The following DNAJC16 variants were observed in gnomAD, a reference collection of about 807,000 sequenced individuals.
The protein encoded by DNAJC16 is dnaJ homolog subfamily C member 16.
DNAJC16 carries 76 observed loss-of-function variants against 92.7 expected under a neutral mutation model. That is an observed-to-expected ratio of 0.82 (90% CI 0.68 to 0.99). The LOEUF is 0.99. DNAJC16 is among the 50% of genes least tolerant of loss of function. The pLI, the probability that DNAJC16 is intolerant of heterozygous loss-of-function variation, is 0.00. For missense variants in DNAJC16, 869 were observed against 942.4 expected, an observed-to-expected ratio of 0.92 and a Z score of 1.02; for synonymous variants, 328 against 358.7, an observed-to-expected ratio of 0.91 and a Z score of 0.97.
At position 15,559,581 on chromosome 1, in the gene DNAJC16, T is replaced by G. The variant is rs1429207338; in HGVS notation, c.1079T>G (p.Leu360Arg). The G allele has an allele frequency of 1.2e-6, 2 of 1,614,016 alleles. No individual in the cohort carries two copies. The change falls in exon 8 of 15, where the codon CTA (leucine) becomes CGA (arginine). Residue 360 changes from leucine to arginine, a missense_variant. Leu to Arg is a moderately radical substitution (Grantham distance 102, BLOSUM62 -2). Transcript: ENST00000375847. ...GACTTCATCACCCGAAACAAATATC[T>G]ATTGGCAGCCAGGCTCACCAGCCAG... ...IDDFITRNKYLLAARLTSQKL... is the reference protein window; with the variant it reads ...IDDFITRNKYRLAARLTSQKL...
chr1:15,539,796 G>C (rs1710888815), intron 4 of DNAJC16, among the ~76,000 whole-genome samples: 1 of 152,078 alleles, frequency 6.6e-6, no homozygotes, highest in Non-Finnish European at 1.5e-5. Context: ...GATAGGCTGA[G>C]GTGCACAGAT....
chr1:15,559,438 T>C, intron 7 of DNAJC16, 88 bp from the exon 8 acceptor site: 1 of 1,564,350 alleles, frequency 6.4e-7, no homozygotes, highest in East Asian at 2.3e-5. Context: ...GTCAGCTACG[T>C]TTTTATTAAG....
intron 2 of DNAJC16, among the ~76,000 whole-genome samples, chr1:15,529,557 T>TA (rs1557566329): frequency 1.3e-5 from 2 of 152,098 alleles, no homozygotes; most frequent in African/African-American, 2.4e-5. Context: ...GTTTTAATTT[T>TA]AAAAAAATGT....
chr1:15,544,252 G>A (rs965598221), intron 4 of DNAJC16, 147 bp from the exon 5 acceptor site: 3 of 717,106 alleles, frequency 4.2e-6, no homozygotes, highest in Non-Finnish European at 6.5e-6. Context: ...TAGAATTCCA[G>A]CAGTGAAAGA....
Position 15,548,175 on chromosome 1 carries a change from CCT to C in DNAJC16, c.865-90_865-89del, listed in dbSNP as rs1051742887. Reference sequence around the variant, plus strand: ...GTGGAGCTGTGTAAGCTGGCATGTACCTCTCTGCTCAGTGATGTGAAAAAGCC... The same window carrying C: ...GTGGAGCTGTGTAAGCTGGCATGTACCTCTGCTCAGTGATGTGAAAAAGCC... On this transcript the variant is annotated intron_variant, in intron 6 of 14. Transcript: ENST00000375847. 3.2e-6 allele frequency: 4 copies of C among 1,248,078 alleles called. No homozygotes were observed. The Admixed American group carries it at 6.2e-5, about 19-fold the overall frequency. The allele number at this position is 1,248,078 out of a possible 1,614,324, so 77.3% of individuals were successfully genotyped here.
At chr1:15,527,377 G>A (rs924526460) in intron 1 of DNAJC16, among the ~76,000 whole-genome samples, 1 of 152,196 alleles carries the variant, frequency 6.6e-6, no homozygotes, top group Admixed American at 6.5e-5. Context: ...GGCAGCGATC[G>A]TACTGCATGG....
intron 7 of DNAJC16, among the ~76,000 whole-genome samples, chr1:15,555,020 T>A (rs1471490718): frequency 6.7e-6 from 1 of 148,774 alleles, no homozygotes; most frequent in Admixed American, 6.8e-5. Flanking sequence ...CTATTTTTTA[T>A]CCTATTAAAA....
intron 7 of DNAJC16, among the ~76,000 whole-genome samples, chr1:15,553,012 C>T (rs1003508516): frequency 2.0e-5 from 3 of 151,838 alleles, no homozygotes; most frequent in Admixed American, 6.6e-5. Flanking sequence ...TCAGATGATC[C>T]GCCCACCTCC....
chr1:15,547,146 CT>C (rs768397290), intron 6 of DNAJC16, among the ~76,000 whole-genome samples: 222 of 136,510 alleles, frequency 1.6e-3, no homozygotes, highest in Admixed American at 1.6e-3. Context: ...ATCCCTGTTT[CT>C]TTTTTTTTTT....
Position 15,563,969 on chromosome 1 carries a change from T to C in DNAJC16, c.1379T>C (p.Val460Ala), listed in dbSNP as rs1324544241. 1.2e-6 allele frequency: 2 copies of C among 1,614,058 alleles called. No individual in the cohort carries two copies. The highest frequency in any genetic ancestry group is 1.7e-6 in the Non-Finnish European group (2 of 1,180,002). ...AGGCGCAACACAGCAGGAAGGGTGGTGTATAAAACCCTGGAAGACCCTTGG... is the reference window on the plus strand; with the variant it reads ...AGGCGCAACACAGCAGGAAGGGTGGCGTATAAAACCCTGGAAGACCCTTGG... ...LERRNTAGRV[V>A]YKTLEDPWIG... Residue 460 changes from valine to alanine, a missense_variant, in exon 10 of 15, where the codon GTG becomes GCG. By Grantham distance (64) the Val-to-Ala change is moderately conservative. Coordinates refer to ENST00000375847, the MANE Select transcript of DNAJC16 (RefSeq NM_015291.4).
intron 5 of DNAJC16, among the ~76,000 whole-genome samples, chr1:15,546,113 TG>T (rs1638296782): frequency 6.6e-6 from 1 of 152,136 alleles, no homozygotes; most frequent in Non-Finnish European, 1.5e-5. Context: ...AAGACCAGCC[TG>T]GGCAACATAC....
rs142493705 is a variant in DNAJC16 at position 15,547,603 on chromosome 1, C to T, written c.865-667C>T. Among the ~76,000 whole-genome samples the T allele has an allele frequency of 3.3e-3, 505 of 151,496 alleles. 6 individuals are homozygous for T. Among genetic ancestry groups the T allele is most frequent in the African/African-American group, 0.011 (435 of 41,280 alleles). The stretch of plus-strand genomic sequence containing the variant: ...GACTGCAGGCACACACCACCACGCT[C>T]GGCTAATTTTTGTGTTTTAGTGGAG... On this transcript the variant is annotated intron_variant, in intron 6 of 14. Coordinates refer to ENST00000375847, the MANE Select transcript of DNAJC16 (RefSeq NM_015291.4).
In DNAJC16 at chr1:15,558,906, C is replaced by G. The variant is rs567544865; in HGVS notation, c.1024-620C>G. ...TTTGCCTAAAATTCAAAATGATTGA[C>G]TTTTCGTTTTGGGTTTTTGTTTTGT... On this transcript the variant is annotated intron_variant, in intron 7 of 14. Transcript: ENST00000375847. Among the ~76,000 whole-genome samples the G allele has an allele frequency of 2.0e-5, 3 of 152,214 alleles. 1 individual carries two copies. The South Asian group carries it at 6.2e-4, about 32-fold the overall frequency.
intron 1 of DNAJC16, among the ~76,000 whole-genome samples, chr1:15,528,679 C>T (rs1187314791): frequency 2.0e-5 from 3 of 152,088 alleles, no homozygotes; most frequent in Non-Finnish European, 4.4e-5. Context: ...AACATGTACT[C>T]AATGAAGTAT....
Position 15,571,213 on chromosome 1 carries a change from C to G in DNAJC16, c.*3036C>G, listed in dbSNP as rs1027696523. ...AGGTTGGTTTCTTCCTCATTTGCAG[C>G]TTGTTGATACTTGTTCCTTTTTATT... On this transcript the variant is annotated 3_prime_UTR_variant, in exon 15 of 15. Coordinates refer to ENST00000375847, the MANE Select transcript of DNAJC16 (RefSeq NM_015291.4). 2 of 152,160 alleles carry G rather than the reference C, an allele frequency of 1.3e-5. No homozygotes were observed. Among genetic ancestry groups the G allele is most frequent in the Middle Eastern group, 3.2e-3 (1 of 316 alleles). The allele number at this position is 152,160 out of a possible 1,614,324, so 9.4% of individuals were successfully genotyped here.
chr1:15,529,246 G>A lies in DNAJC16; in HGVS notation c.141G>A (p.Lys47=). 1 of 1,611,002 alleles carries A rather than the reference G, an allele frequency of 6.2e-7. No individual in the cohort carries two copies. The highest frequency in any genetic ancestry group is 1.1e-5 in the South Asian group (1 of 90,766). Residue 47 remains lysine, a synonymous_variant, in exon 2 of 15, where the codon AAG becomes AAA. Coordinates refer to ENST00000375847, the MANE Select transcript of DNAJC16 (RefSeq NM_015291.4). ...SRTASQADIK[K]AYKKLAREWH... is the part of the protein sequence containing the mutation. ...CAGCCAGTCAGGCTGATATTAAAAA[G>A]GCTTATAAGAAGCTCGCCCGGGAAT...
At chr1:15,559,449 CTGG>C (rs1638642733) in intron 7 of DNAJC16, 74 bp from the exon 8 acceptor site, 1 of 1,578,352 alleles carries the variant, frequency 6.3e-7, no homozygotes, top group Non-Finnish European at 8.6e-7. Flanking sequence ...TTTTATTAAG[CTGG>C]TAAGTAAAGA....
chr1:15,537,142 T>C (rs1309462228), intron 4 of DNAJC16, among the ~76,000 whole-genome samples: 2 of 152,226 alleles, frequency 1.3e-5, no homozygotes, highest in South Asian at 2.1e-4. Context: ...GGAGCCACCA[T>C]GCCTGGCCCC....
intron 4 of DNAJC16, chr1:15,542,315 A>C (rs542872159): frequency 3.9e-5 from 6 of 152,178 alleles, no homozygotes; most frequent in Non-Finnish European, 8.8e-5. Flanking sequence ...ACTGGCAAAA[A>C]AAATGAACAT....
Sources: allele counts gnomAD v4.1 joint callset (sites outside exome capture counted in the v4.1 genomes callset), GRCh38; gene constraint gnomAD v4.1.1; transcripts MANE v1.5; gene names NCBI Gene and HGNC (gene_info 2026-07-23, HGNC 2026-07-21).